The following SCML4 variants were observed in gnomAD, a reference collection of about 807,000 sequenced individuals.
SCML4 encodes Scm polycomb group protein like 4.
In SCML4, 34 loss-of-function variants were observed where a neutral mutation model predicts 41.1. That is an observed-to-expected ratio of 0.83 (90% confidence interval 0.63 to 1.10). The LOEUF is 1.10. Ranked by LOEUF, SCML4 falls within the 50% of genes least tolerant of loss-of-function variation. The pLI is 0.00. For synonymous variants in SCML4, 214 were observed against 220.9 expected, an observed-to-expected ratio of 0.97 and a Z score of 0.28; for missense variants, 522 against 534.1, an observed-to-expected ratio of 0.98 and a Z score of 0.22.
intron 5 of SCML4, among the ~76,000 whole-genome samples, chr6:107,738,960 T>C (rs1214413617): frequency 6.6e-6 from 1 of 152,156 alleles, no homozygotes; most frequent in Non-Finnish European, 1.5e-5. Context: ...CATTATCACC[T>C]ACCTTCCAAG....
At position 107,716,426 on chromosome 6, in the gene SCML4, C is replaced by T. The variant is rs554958554; in HGVS notation, c.973+4277G>A. ...ATCTTTAAATCAAATATACCAATAC[C>T]TTTTTATAAATATTAAATCCTAAAC... On this transcript the variant is annotated intron_variant, in intron 6 of 7. Coordinates refer to ENST00000369020, the MANE Select transcript of SCML4 (RefSeq NM_198081.5). 2.0e-5 allele frequency among the ~76,000 whole-genome samples: 3 copies of T among 152,238 alleles called. No individual in the cohort carries two copies. In the East Asian group the frequency reaches 5.8e-4, roughly 29 times the overall value.
At position 107,744,862 on chromosome 6, in the gene SCML4, T is replaced by C. The variant is rs1583468150; in HGVS notation, c.682+87A>G. On this transcript the variant is annotated intron_variant, in intron 5 of 7. Coordinates refer to ENST00000369020, the MANE Select transcript of SCML4 (RefSeq NM_198081.5). Reference sequence around the variant, plus strand: ...CTCCAGTGGCAGAACTGCCAGGAGCTACAATGGCTCCCTCCATAGTGGAAG... The same window carrying C: ...CTCCAGTGGCAGAACTGCCAGGAGCCACAATGGCTCCCTCCATAGTGGAAG... The C allele has an allele frequency of 3.5e-6, 4 of 1,132,694 alleles. No individual in the cohort carries two copies. The East Asian group carries it at 1.0e-4, about 29-fold the overall frequency. The allele number at this position is 1,132,694 out of a possible 1,614,324, so 70.2% of individuals were successfully genotyped here.
chr6:107,746,066 A>C (rs117650503), intron 4 of SCML4: 1 of 152,324 alleles, frequency 6.6e-6, no homozygotes, highest in Non-Finnish European at 1.5e-5. Flanking sequence ...TTAGACAAGA[A>C]GTCAGAAAAG....
At chr6:107,804,760 T>C (rs1381018242) in intron 1 of SCML4, among the ~76,000 whole-genome samples, 1 of 152,160 alleles carries the variant, frequency 6.6e-6, no homozygotes, top group African/African-American at 2.4e-5. Context: ...AAGGATTGCT[T>C]GAGCCTAGGA....
At chr6:107,842,196 T>C in the SCML4 span, among the ~76,000 whole-genome samples, 1 of 152,202 alleles carries the variant, frequency 6.6e-6, no homozygotes, top group Non-Finnish European at 1.5e-5. Flanking sequence ...TGGAAGTGTG[T>C]TGTTTAATTT....
At position 107,736,073 on chromosome 6, in the gene SCML4, T is replaced by TC. The variant is rs199949258; in HGVS notation, c.682+8875dup. On this transcript the variant is annotated intron_variant, in intron 5 of 7. Transcript: ENST00000369020. The stretch of plus-strand genomic sequence containing the variant: ...GTGGGTTTTGTAGAAATGAGGAAGT[T>TC]CCCTGGCAGCTGGAATGATGGGCTG... 4.3e-3 allele frequency among the ~76,000 whole-genome samples: 651 copies of TC among 152,218 alleles called. 8 individuals are homozygous for TC. In the East Asian group the frequency reaches 0.052, roughly 12 times the overall value.
At chr6:107,774,510 A>G (rs1780760801) in intron 1 of SCML4, among the ~76,000 whole-genome samples, 1 of 152,210 alleles carries the variant, frequency 6.6e-6, no homozygotes, top group Non-Finnish European at 1.5e-5. Flanking sequence ...CACCAAATTT[A>G]TTTAATAAGA....
At chr6:107,804,023 G>T (rs1032710909) in intron 1 of SCML4, among the ~76,000 whole-genome samples, 18 of 137,946 alleles carry the variant, frequency 1.3e-4, no homozygotes, top group African/African-American at 4.7e-4. Flanking sequence ...CCCCCTCTGC[G>T]AGAAACACCC....
intron 2 of SCML4, among the ~76,000 whole-genome samples, chr6:107,759,132 C>CAAAAAAAAAAAAAAAAAA (rs60124415): frequency 3.4e-5 from 3 of 88,220 alleles, no homozygotes; most frequent in African/African-American, 4.5e-5. Context: ...ACAAAAAATA[C>CAAAAAAAAAAAAAAAAAA]AAAAAAAAAA....
At chr6:107,832,355 C>T in the SCML4 span, among the ~76,000 whole-genome samples, 1 of 152,266 alleles carries the variant, frequency 6.6e-6, no homozygotes, top group African/African-American at 2.4e-5. Context: ...AATCATCTTA[C>T]GCCTGGCTTC....
At chr6:107,775,251 T>C (rs940396188) in intron 1 of SCML4, among the ~76,000 whole-genome samples, 6 of 152,228 alleles carry the variant, frequency 3.9e-5, no homozygotes, top group African/African-American at 1.4e-4. Context: ...TGGAATGCTC[T>C]TTCTTCCCCC....
At chr6:107,709,706 G>A (rs1774050658) in intron 6 of SCML4, among the ~76,000 whole-genome samples, 2 of 151,770 alleles carry the variant, frequency 1.3e-5, no homozygotes, top group African/African-American at 4.8e-5. Context: ...TTATTTTATT[G>A]TATTTTATTT....
At chr6:107,707,022 ATC>A (rs1337746215) in intron 7 of SCML4, among the ~76,000 whole-genome samples, 38 of 152,284 alleles carry the variant, frequency 2.5e-4, no homozygotes, top group African/African-American at 9.1e-4. Flanking sequence ...GTTGGTGGTA[ATC>A]TGTTACAGCA....
At chr6:107,734,907 G>A (rs1261125895) in intron 5 of SCML4, among the ~76,000 whole-genome samples, 1 of 152,040 alleles carries the variant, frequency 6.6e-6, no homozygotes, top group Admixed American at 6.6e-5. Context: ...AAGGAATCAT[G>A]CTCTGTCACC....
chr6:107,779,516 G>A (rs6568497), intron 1 of SCML4, among the ~76,000 whole-genome samples: 69,950 of 151,962 alleles, frequency 0.46, 17,489 homozygotes, highest in African/African-American at 0.65. Flanking sequence ...TGTTGTTTCT[G>A]TAAGTGAACG....
the SCML4 span, among the ~76,000 whole-genome samples, chr6:107,835,444 A>G: frequency 1.3e-5 from 2 of 152,148 alleles, no homozygotes; most frequent in Admixed American, 6.5e-5. Flanking sequence ...CTTGGAATTA[A>G]AAATACAACA....
intron 3 of SCML4, among the ~76,000 whole-genome samples, 169 bp from the exon 4 acceptor site, chr6:107,747,058 G>C (rs1451198523): frequency 1.3e-5 from 2 of 152,192 alleles, no homozygotes; most frequent in Non-Finnish European, 2.9e-5. Context: ...AAGTAAAAGA[G>C]GCAAAAGAGT....
intron 1 of SCML4, among the ~76,000 whole-genome samples, chr6:107,817,675 A>G (rs1031680435): frequency 5.4e-5 from 8 of 149,276 alleles, no homozygotes; most frequent in Non-Finnish European, 1.5e-5. Flanking sequence ...TTCTTATTCT[A>G]CTATCAGATC....
intron 2 of SCML4, among the ~76,000 whole-genome samples, chr6:107,757,756 T>G (rs760196528): frequency 2.6e-5 from 4 of 152,244 alleles, no homozygotes; most frequent in Non-Finnish European, 4.4e-5. Flanking sequence ...GGTGTTAGTA[T>G]TATTATTGTT....
Sources: allele counts gnomAD v4.1 joint callset (sites outside exome capture counted in the v4.1 genomes callset), GRCh38; gene constraint gnomAD v4.1.1; transcripts MANE v1.5; gene names NCBI Gene and HGNC (gene_info 2026-07-23, HGNC 2026-07-21).